Variants in RBFOX1 observed in about 807,000 individuals in gnomAD.
RBFOX1 encodes the protein RNA binding fox-1 homolog 1, also known as RNA binding protein fox-1 homolog 1.
A neutral mutation model predicts 57.7 loss-of-function variants in RBFOX1; 8 were observed. The ratio of observed to expected loss-of-function variants is 0.14; its 90% CI spans 0.08 to 0.25. RBFOX1 has a LOEUF of 0.25. Ranked by LOEUF, RBFOX1 falls within the 10% of genes least tolerant of loss-of-function variation. The pLI is 1.00. For missense variants in RBFOX1, 611 were observed against 548.5 expected, an observed-to-expected ratio of 1.11 and a Z score of -1.14; for synonymous variants, 326 against 222.4, an observed-to-expected ratio of 1.47 and a Z score of -4.15.
At chr16:6,266,331 A>C (rs958568862) in intron 1 of RBFOX1, among the ~76,000 whole-genome samples, 1 of 152,202 alleles carries the variant, frequency 6.6e-6, no homozygotes, top group Non-Finnish European at 1.5e-5. Flanking sequence ...GCCCATCCTG[A>C]ATGATATTCC....
chr16:7,318,169 T>C (rs548532210), intron 4 of RBFOX1, among the ~76,000 whole-genome samples: 19 of 151,712 alleles, frequency 1.3e-4, no homozygotes, highest in African/African-American at 4.4e-4. Context: ...GTGACGGTGG[T>C]AATGATGGTG....
At chr16:6,831,707 C>A (rs995053109) in intron 3 of RBFOX1, among the ~76,000 whole-genome samples, 3 of 152,094 alleles carry the variant, frequency 2.0e-5, no homozygotes, top group African/African-American at 7.2e-5. Context: ...ACTCTTTGCC[C>A]CTTCCTCCAT....
chr16:6,617,519 C>T (rs1567903569), intron 2 of RBFOX1, among the ~76,000 whole-genome samples: 1 of 151,798 alleles, frequency 6.6e-6, no homozygotes, highest in Non-Finnish European at 1.5e-5. Flanking sequence ...TTCACTGGAC[C>T]CTATAGAGAT....
At chr16:7,098,204 C>A (rs1337409371) in intron 4 of RBFOX1, among the ~76,000 whole-genome samples, 3 of 152,186 alleles carry the variant, frequency 2.0e-5, no homozygotes, top group African/African-American at 7.2e-5. Flanking sequence ...GAGTCTAGCT[C>A]TGTCATCCAA....
At chr16:5,283,599 C>G (rs2063324027) in intron 1 of RBFOX1, among the ~76,000 whole-genome samples, 1 of 152,180 alleles carries the variant, frequency 6.6e-6, no homozygotes, top group Non-Finnish European at 1.5e-5. Context: ...GACATGGACT[C>G]AAAGGAGATC....
At position 5,283,269 on chromosome 16, in the gene RBFOX1, A is replaced by C. The variant is rs11646165; in HGVS notation, c.219+43164A>C. Among the ~76,000 whole-genome samples, 11 of 152,250 alleles carry C rather than the reference A, an allele frequency of 7.2e-5. 1 individual carries two copies. In the South Asian group the frequency reaches 2.1e-3, roughly 29 times the overall value. ...GGCAGGGCACTCATGGAGAACCTCT[A>C]CTAGGGCAGTGCGGAAGGGAAATGT... On this transcript the variant is annotated intron_variant, in intron 1 of 2. Transcript: ENST00000585867.
chr16:6,463,706 G>C (rs1241542761), intron 2 of RBFOX1, among the ~76,000 whole-genome samples: 1 of 152,164 alleles, frequency 6.6e-6, no homozygotes, highest in Non-Finnish European at 1.5e-5. Context: ...GCCATGTTTA[G>C]CTTGGCTCCG....
intron 4 of RBFOX1, among the ~76,000 whole-genome samples, chr16:7,448,377 C>T (rs2098824655): frequency 6.6e-6 from 1 of 152,184 alleles, no homozygotes; most frequent in African/African-American, 2.4e-5. Flanking sequence ...CACAGTTCCA[C>T]ATTGCTGGGG....
At chr16:6,948,051 T>C (rs1225157239) in intron 3 of RBFOX1, among the ~76,000 whole-genome samples, 1 of 152,114 alleles carries the variant, frequency 6.6e-6, no homozygotes, top group African/African-American at 2.4e-5. Flanking sequence ...AATGTTGGGA[T>C]TACAAGCATC....
intron 1 of RBFOX1, among the ~76,000 whole-genome samples, chr16:6,166,785 T>G (rs931214529): frequency 1.3e-5 from 2 of 152,060 alleles, no homozygotes; most frequent in African/African-American, 4.8e-5. Flanking sequence ...TTTGTTTTGT[T>G]TTTTTTGAGA....
At chr16:5,329,795 C>G (rs551581205) in intron 1 of RBFOX1, among the ~76,000 whole-genome samples, 1 of 152,022 alleles carries the variant, frequency 6.6e-6, no homozygotes, top group African/African-American at 2.4e-5. Flanking sequence ...GTCAGGAGAT[C>G]GAGACCATCC....
At chr16:5,534,859 G>T (rs1274060554) in intron 2 of RBFOX1, among the ~76,000 whole-genome samples, 1 of 152,102 alleles carries the variant, frequency 6.6e-6, no homozygotes, top group African/African-American at 2.4e-5. Context: ...ATACAGTAGG[G>T]AATTTATTAA....
At chr16:7,194,117 T>C (rs1221943294) in intron 4 of RBFOX1, among the ~76,000 whole-genome samples, 1 of 152,210 alleles carries the variant, frequency 6.6e-6, no homozygotes, top group Non-Finnish European at 1.5e-5. Flanking sequence ...ATTACCCTAT[T>C]CGTGTCAATG....
At chr16:5,927,433 A>T (rs896922035) in intron 4 of RBFOX1, among the ~76,000 whole-genome samples, 3 of 152,226 alleles carry the variant, frequency 2.0e-5, no homozygotes, top group Non-Finnish European at 4.4e-5. Flanking sequence ...AGGTATTATC[A>T]AAAAGTCAAA....
At position 6,791,170 on chromosome 16, in the gene RBFOX1, G is replaced by A. The variant is rs898448723; in HGVS notation, c.-16+136520G>A. Among the ~76,000 whole-genome samples, 8 of 152,202 alleles carry A rather than the reference G, an allele frequency of 5.3e-5. No homozygotes were observed. In the East Asian group the frequency reaches 1.2e-3, roughly 22 times the overall value. On this transcript the variant is annotated intron_variant, in intron 3 of 15. Transcript: ENST00000550418. Reference sequence around the variant, plus strand: ...GATCCTCCCGCCTCAGCCTCCCAAAGTGCTGGGGTTACTGGTGTGAGCCAC... The same window carrying A: ...GATCCTCCCGCCTCAGCCTCCCAAAATGCTGGGGTTACTGGTGTGAGCCAC...
chr16:6,677,739 TAGTG>T (rs779317372), intron 3 of RBFOX1, among the ~76,000 whole-genome samples: 56 of 152,334 alleles, frequency 3.7e-4, no homozygotes, highest in Non-Finnish European at 6.0e-4. Context: ...ACTTTAAAGA[TAGTG>T]AGCGATTTAT....
intron 4 of RBFOX1, among the ~76,000 whole-genome samples, chr16:7,184,398 G>T (rs1260312493): frequency 1.3e-5 from 2 of 152,326 alleles, no homozygotes; most frequent in East Asian, 3.9e-4. Flanking sequence ...AAGTCTAGGG[G>T]ATACATGATG....
intron 4 of RBFOX1, among the ~76,000 whole-genome samples, chr16:7,481,354 G>A (rs932593678): frequency 6.6e-6 from 1 of 152,180 alleles, no homozygotes; most frequent in African/African-American, 2.4e-5. Context: ...GCTGTAGAAT[G>A]TATGCACATA....
At chr16:6,170,256 T>A (rs1170068825) in intron 1 of RBFOX1, among the ~76,000 whole-genome samples, 1 of 152,200 alleles carries the variant, frequency 6.6e-6, no homozygotes, top group Non-Finnish European at 1.5e-5. Context: ...GTCCAGTATT[T>A]GCCATTTGCT....
Sources: gnomAD v4.1 joint callset for allele counts (sites outside exome capture counted in the v4.1 genomes callset) on GRCh38, gnomAD v4.1.1 for gene constraint, MANE v1.5 for transcripts, NCBI Gene and HGNC (gene_info 2026-07-23, HGNC 2026-07-21) for gene names.